LIN9: variants seen among roughly 807,000 people sequenced by gnomAD.
LIN9 encodes the protein protein lin-9 homolog.
LIN9 carries 18 observed loss-of-function variants against 78.0 expected under a neutral mutation model. The observed-to-expected ratio is 0.23, with a 90% CI of 0.16 to 0.34. The LOEUF (loss-of-function observed/expected upper bound fraction) is 0.34. Among genes scored for constraint, LIN9 ranks in the 10% least tolerant of loss-of-function variants. The pLI is 1.00. For synonymous variants in LIN9, 192 were observed against 215.2 expected (o/e 0.89, Z 0.94); for missense variants, 451 against 644.1 (o/e 0.70, Z 3.25).
chr1:226,253,708 G>A (rs573167561), intron 10 of LIN9, among the ~76,000 whole-genome samples: 2 of 151,884 alleles, frequency 1.3e-5, no homozygotes, highest in African/African-American at 4.8e-5. Flanking sequence ...CTGAGGTCAG[G>A]AGTTTGAGAC....
At chr1:226,272,051 CTTT>C (rs1215375984) in intron 7 of LIN9, among the ~76,000 whole-genome samples, 1 of 128,124 alleles carries the variant, frequency 7.8e-6, no homozygotes. Flanking sequence ...ATTATCTTAA[CTTT>C]TTTTTTTTTT....
At chr1:226,258,871 G>A (rs1269283311) in intron 10 of LIN9, among the ~76,000 whole-genome samples, 2 of 102,358 alleles carry the variant, frequency 2.0e-5, no homozygotes, top group African/African-American at 8.0e-5. Flanking sequence ...AGCCAAGGGT[G>A]ACAGAGCAAG....
chr1:226,266,179 A>C (rs749269331), intron 9 of LIN9, 34 bp downstream of exon 9: 1 of 1,430,610 alleles, frequency 7.0e-7, no homozygotes, highest in Non-Finnish European at 9.4e-7. Context: ...CATAAAAATC[A>C]ATTAAATTAT....
chr1:226,309,533 G>A (rs1236507736), upstream of LIN9: 4 of 1,175,124 alleles, frequency 3.4e-6, no homozygotes, highest in African/African-American at 6.6e-5. Flanking sequence ...TGTTCCGAGT[G>A]GAGAACGGGA....
intron 7 of LIN9, among the ~76,000 whole-genome samples, chr1:226,277,314 A>G (rs1445361948): frequency 1.3e-5 from 2 of 152,114 alleles, no homozygotes; most frequent in African/African-American, 2.4e-5. Context: ...TTTAGTTTAT[A>G]TTGTAGTAGA....
At chr1:226,244,188 T>G (rs188339754) in intron 11 of LIN9, among the ~76,000 whole-genome samples, 4 of 149,800 alleles carry the variant, frequency 2.7e-5, no homozygotes, top group Non-Finnish European at 5.9e-5. Context: ...AAAATTACTT[T>G]TGGAGGTGGA....
chr1:226,309,641 C>T (rs1663177406), upstream of LIN9: 3 of 1,276,094 alleles, frequency 2.4e-6, no homozygotes, highest in Non-Finnish European at 3.1e-6. Flanking sequence ...CCGAAACCCA[C>T]GTTGCTTGGG....
intron 7 of LIN9, among the ~76,000 whole-genome samples, chr1:226,271,807 TG>T (rs1304451351): frequency 6.6e-6 from 1 of 152,198 alleles, no homozygotes; most frequent in African/African-American, 2.4e-5. Flanking sequence ...ATATTAGGAT[TG>T]GTATATCTTT....
intron 11 of LIN9, among the ~76,000 whole-genome samples, chr1:226,242,241 T>C (rs534147510): frequency 1.3e-4 from 20 of 152,336 alleles, no homozygotes; most frequent in African/African-American, 4.6e-4. Context: ...CAGTCTATAC[T>C]GAATTCCAAC....
chr1:226,269,686 A>G (rs888051770), intron 7 of LIN9, among the ~76,000 whole-genome samples: 6 of 152,148 alleles, frequency 3.9e-5, no homozygotes, highest in African/African-American at 1.2e-4. Flanking sequence ...GATCATGGAA[A>G]CTAGAGAGCC....
intron 4 of LIN9, among the ~76,000 whole-genome samples, chr1:226,294,804 CTT>C (rs895301335): frequency 6.9e-6 from 1 of 145,622 alleles, no homozygotes; most frequent in African/African-American, 2.5e-5. Flanking sequence ...TACATGTCTA[CTT>C]TTTTTTTTTT....
intron 14 of LIN9, 185 bp downstream of exon 14, chr1:226,232,911 T>C (rs946851745): frequency 9.9e-6 from 5 of 505,602 alleles, no homozygotes; most frequent in Admixed American, 7.6e-5. Flanking sequence ...GATTTCTTTA[T>C]ATACAAAATC....
intron 2 of LIN9, among the ~76,000 whole-genome samples, 171 bp from the exon 3 acceptor site, chr1:226,297,984 T>C (rs142671849): frequency 1.3e-3 from 201 of 152,370 alleles, no homozygotes; most frequent in African/African-American, 4.5e-3. Context: ...TCCGTATTTT[T>C]CTGTCAAACT....
chr1:226,252,281 A>AAAATAAAT lies in LIN9; in HGVS notation c.1039-1370_1039-1363dup, dbSNP rs59130234. Reference sequence around the variant, plus strand: ...GGGCAACAGAGCAAGACCCCATCTCAAAATAAATAAATAAATAAATAAATA... The same window carrying AAAATAAAT: ...GGGCAACAGAGCAAGACCCCATCTCAAAATAAATAAATAAATAAATAAATAAATAAATA... On this transcript the variant is annotated intron_variant, in intron 10 of 14. Coordinates refer to ENST00000681046, the MANE Select transcript of LIN9 (RefSeq NM_001366245.2). Among the ~76,000 whole-genome samples, 1,187 of 140,838 alleles carry AAAATAAAT rather than the reference A, an allele frequency of 8.4e-3. 9 individuals are homozygous for AAAATAAAT. The highest frequency in any genetic ancestry group is 0.035 in the Middle Eastern group (10 of 286). 92.4% of individuals were successfully genotyped at this position (140,838 alleles called of 152,430 possible).
chr1:226,266,872 T>G (rs1450318907), intron 8 of LIN9, among the ~76,000 whole-genome samples: 2 of 151,692 alleles, frequency 1.3e-5, no homozygotes, highest in East Asian at 1.9e-4. Flanking sequence ...CTCCACCTCC[T>G]GGGTTCAAGC....
At chr1:226,308,518 A>AG (rs1489727804) in intron 1 of LIN9, among the ~76,000 whole-genome samples, 4 of 152,280 alleles carry the variant, frequency 2.6e-5, no homozygotes, top group East Asian at 1.9e-4. Flanking sequence ...TCCCAGGGGA[A>AG]GGGGCCAACC....
chr1:226,302,597 A>T (rs1395594694), intron 1 of LIN9, among the ~76,000 whole-genome samples: 1 of 151,796 alleles, frequency 6.6e-6, no homozygotes, highest in Non-Finnish European at 1.5e-5. Flanking sequence ...TTTGAGAGTG[A>T]GAAAGCACTA....
chr1:226,291,573 G>A (rs1296663420), intron 4 of LIN9, among the ~76,000 whole-genome samples: 1 of 152,064 alleles, frequency 6.6e-6, no homozygotes, highest in Non-Finnish European at 1.5e-5. Flanking sequence ...CTGTATGAGG[G>A]AAGTACATAT....
chr1:226,293,781 C>T (rs938118834), intron 4 of LIN9, among the ~76,000 whole-genome samples: 2 of 152,074 alleles, frequency 1.3e-5, no homozygotes, highest in African/African-American at 4.8e-5. Context: ...TCGTCTCAAA[C>T]TCCTGACATC....
Sources: allele counts gnomAD v4.1 joint callset (sites outside exome capture counted in the v4.1 genomes callset), GRCh38; gene constraint gnomAD v4.1.1; transcripts MANE v1.5; gene names NCBI Gene and HGNC (gene_info 2026-07-23, HGNC 2026-07-21).